Variants in ITGAV observed in about 807,000 individuals in gnomAD.
ITGAV encodes integrin alpha-V.
A neutral mutation model predicts 143.8 loss-of-function variants in ITGAV; 76 were observed. That is an observed-to-expected ratio of 0.53 (90% CI 0.44 to 0.64). The LOEUF (loss-of-function observed/expected upper bound fraction) is 0.64. Ranked by LOEUF, ITGAV falls within the 30% of genes least tolerant of loss-of-function variation. ITGAV has a pLI of 0.00. For missense variants in ITGAV, 1,193 were observed against 1,274.7 expected, an observed-to-expected ratio of 0.94 and a Z score of 0.98; for synonymous variants, 453 against 446.7, an observed-to-expected ratio of 1.01 and a Z score of -0.18.
intron 2 of ITGAV, among the ~76,000 whole-genome samples, chr2:186,620,040 C>T (rs2105682657): frequency 6.6e-6 from 1 of 152,158 alleles, no homozygotes; most frequent in South Asian, 2.1e-4. Context: ...CCACTCCCTT[C>T]CTGACCATTC....
At chr2:186,652,143 TAA>T in intron 15 of ITGAV, 54 bp downstream of exon 15, 1 of 1,102,560 alleles carries the variant, frequency 9.1e-7, no homozygotes, top group Non-Finnish European at 1.4e-6. Flanking sequence ...TCAGGCATTG[TAA>T]GAACAATTGA....
chr2:186,665,238 C>A lies in ITGAV; in HGVS notation c.2166+20C>A. The A allele has an allele frequency of 1.4e-6, 2 of 1,471,476 alleles. No homozygotes were observed. Among genetic ancestry groups the A allele is most frequent in the Non-Finnish European group, 1.9e-6 (2 of 1,053,066 alleles). The allele number at this position is 1,471,476 out of a possible 1,614,324, so 91.2% of individuals were successfully genotyped here. ...ACTCAAGTAAGACAATTTAATTAAA[C>A]GGATTTTTCTCCCTGGCAAATAGAA... On this transcript the variant is annotated intron_variant, in intron 21 of 29. Transcript: ENST00000261023.
intron 17 of ITGAV, among the ~76,000 whole-genome samples, chr2:186,656,944 C>T (rs1019319114): frequency 6.6e-6 from 1 of 151,648 alleles, no homozygotes; most frequent in Non-Finnish European, 1.5e-5. Context: ...GTATGGGCCC[C>T]AGGATTTCCA....
At chr2:186,632,253 A>G (rs1687832436) in intron 5 of ITGAV, among the ~76,000 whole-genome samples, 1 of 152,138 alleles carries the variant, frequency 6.6e-6, no homozygotes. Flanking sequence ...AATAGGTATT[A>G]TATATTTTTA....
At chr2:186,635,699 A>G (rs1411918376) in intron 6 of ITGAV, among the ~76,000 whole-genome samples, 1 of 152,226 alleles carries the variant, frequency 6.6e-6, no homozygotes, top group African/African-American at 2.4e-5. Flanking sequence ...GTTAAAAAAT[A>G]TCAATTGAAC....
Position 186,590,274 on chromosome 2 carries a change from C to A in ITGAV, c.-65C>A. The A allele has an allele frequency of 7.5e-7, 1 of 1,324,888 alleles. No homozygotes were observed. The highest frequency in any genetic ancestry group is 9.7e-7 in the Non-Finnish European group (1 of 1,027,780). The allele number at this position is 1,324,888 out of a possible 1,614,324, so 82.1% of individuals were successfully genotyped here. A position where few individuals can be genotyped will look rare whatever the true frequency, so the allele number is the denominator to read the frequency against. On this transcript the variant is annotated 5_prime_UTR_variant, in exon 1 of 30. Coordinates refer to ENST00000261023, the MANE Select transcript of ITGAV (RefSeq NM_002210.5). ...CAGGCGGCGGGCCGCGGGCACTGGG[C>A]GCCTCGCTGGGGCGGGGGGAGGTGG...
Position 186,622,398 on chromosome 2 carries a change from G to T in ITGAV, c.376G>T (p.Ala126Ser). ...ATTTAAGTCCCATCAGTGGTTTGGA[G>T]CATCTGTGAGGTCGAAACAGGATAA... Reference protein sequence around the residue: ...LEFKSHQWFGASVRSKQDKIL... With the variant: ...LEFKSHQWFGSSVRSKQDKIL... Residue 126 changes from alanine to serine, a missense_variant, in exon 3 of 30, where the codon GCA (alanine) becomes TCA (serine). Ala to Ser is a moderately conservative substitution (Grantham distance 99). Transcript: ENST00000261023. 1.2e-6 allele frequency: 2 copies of T among 1,613,464 alleles called. No individual in the cohort carries two copies. Among genetic ancestry groups the T allele is most frequent in the East Asian group, 2.2e-5 (1 of 44,848 alleles).
intron 15 of ITGAV, among the ~76,000 whole-genome samples, chr2:186,652,593 A>G (rs1406944298): frequency 6.6e-6 from 1 of 152,202 alleles, no homozygotes; most frequent in Non-Finnish European, 1.5e-5. Flanking sequence ...TATGAAATTA[A>G]TTTTTAAAGA....
chr2:186,638,551 A>C, intron 10 of ITGAV, 86 bp downstream of exon 10: 1 of 909,398 alleles, frequency 1.1e-6, no homozygotes, highest in Non-Finnish European at 1.8e-6. Context: ...AAACTGTAAA[A>C]ATGAACTATA....
At chr2:186,652,320 G>T (rs1300033541) in intron 15 of ITGAV, among the ~76,000 whole-genome samples, 2 of 152,224 alleles carry the variant, frequency 1.3e-5, no homozygotes, top group Admixed American at 6.5e-5. Context: ...CTTTATAGTA[G>T]CTGGGACTAC....
rs149545302 is a variant in ITGAV, at chr2:186,636,125, C to T, written c.675C>T (p.Tyr225=). Residue 225 remains tyrosine, a synonymous_variant, in exon 7 of 30, where the codon TAC becomes TAT. Transcript: ENST00000261023. ...AAGTGGCAGAAATCGTATCTAAATA[C>T]GACCCCAATGTTTACAGCATCAAGT... ...SDQVAEIVSK[Y]DPNVYSIKYN... is the part of the protein sequence containing the mutation. 858 of 1,612,944 alleles carry T rather than the reference C, an allele frequency of 5.3e-4. 4 individuals carry two copies. In the African/African-American group the frequency reaches 8.6e-3, roughly 16 times the overall value.
At chr2:186,666,811 A>T in intron 22 of ITGAV, 28 bp downstream of exon 22, 1 of 1,173,732 alleles carries the variant, frequency 8.5e-7, no homozygotes, top group Non-Finnish European at 1.2e-6. Context: ...ATTCACTTAT[A>T]ACTATCAAAT....
At chr2:186,675,770 T>C in intron 27 of ITGAV, 50 bp from the exon 28 acceptor site, 2 of 1,547,612 alleles carry the variant, frequency 1.3e-6, no homozygotes, top group Non-Finnish European at 1.8e-6. Flanking sequence ...TTCAAATAAA[T>C]ATAAAAGGCC....
intron 10 of ITGAV, among the ~76,000 whole-genome samples, chr2:186,638,798 A>G (rs913209111): frequency 7.9e-5 from 12 of 151,842 alleles, no homozygotes; most frequent in Non-Finnish European, 1.8e-4. Context: ...TGGTTTAATG[A>G]TTCCATAATA....
At chr2:186,626,576 C>T (rs1178481320) in intron 4 of ITGAV, among the ~76,000 whole-genome samples, 3 of 152,206 alleles carry the variant, frequency 2.0e-5, no homozygotes, top group Admixed American at 1.3e-4. Context: ...TGACCTGTGA[C>T]ACCAGGTCAA....
chr2:186,667,516 T>C, intron 23 of ITGAV, 155 bp from the exon 24 acceptor site: 1 of 522,460 alleles, frequency 1.9e-6, no homozygotes, highest in Non-Finnish European at 3.4e-6. Context: ...AGAGCAGTTT[T>C]TGTGCATGTG....
intron 2 of ITGAV, among the ~76,000 whole-genome samples, chr2:186,610,152 A>T (rs1286727447): frequency 6.6e-6 from 1 of 152,178 alleles, no homozygotes; most frequent in Non-Finnish European, 1.5e-5. Flanking sequence ...GAATATTATC[A>T]TATACATATA....
chr2:186,633,329 G>A lies in ITGAV; in HGVS notation c.586G>A (p.Ala196Thr). The A allele has an allele frequency of 6.4e-7, 1 of 1,574,718 alleles. No homozygotes were observed. Among genetic ancestry groups the A allele is most frequent in the Non-Finnish European group, 8.7e-7 (1 of 1,151,972 alleles). ...QGGFSIDFTK[A>T]DRVLLGGPGS... Reference sequence around the variant, plus strand: ...CTTTTTGTTGTGTGATTTCATCTAGGCTGACAGAGTACTTCTTGGTGGTCC... The same window carrying A: ...CTTTTTGTTGTGTGATTTCATCTAGACTGACAGAGTACTTCTTGGTGGTCC... The change falls in exon 6 of 30, where the codon GCT becomes ACT. Residue 196 changes from alanine to threonine, a missense_variant and splice_region_variant. By Grantham distance (58) the Ala-to-Thr change is moderately conservative. Transcript: ENST00000261023.
chr2:186,673,904 A>C (rs1425985922), intron 26 of ITGAV, among the ~76,000 whole-genome samples: 20 of 152,104 alleles, frequency 1.3e-4, no homozygotes. Context: ...TCCTGACCTC[A>C]GGTGATCCAC....
Sources: allele counts gnomAD v4.1 joint callset (sites outside exome capture counted in the v4.1 genomes callset), GRCh38; gene constraint gnomAD v4.1.1; transcripts MANE v1.5; gene names NCBI Gene and HGNC (gene_info 2026-07-23, HGNC 2026-07-21).